Variants in CNTNAP5 observed in about 807,000 individuals in gnomAD.
The protein encoded by CNTNAP5 is contactin associated protein family member 5.
In CNTNAP5, 72 loss-of-function variants were observed where a neutral mutation model predicts 150.2. That is an observed-to-expected ratio of 0.48 (90% CI 0.40 to 0.58). The LOEUF (loss-of-function observed/expected upper bound fraction) is 0.58. Ranked by LOEUF, CNTNAP5 falls within the 20% of genes least tolerant of loss-of-function variation. The probability of loss-of-function intolerance (pLI) is 0.00; values close to 1 mark genes in which losing one functional copy is unlikely to be tolerated. For synonymous variants in CNTNAP5, 672 were observed against 619.8 expected, an observed-to-expected ratio of 1.08 and a Z score of -1.25; for missense variants, 1,636 against 1,626.2, an observed-to-expected ratio of 1.01 and a Z score of -0.10.
intron 10 of CNTNAP5, among the ~76,000 whole-genome samples, chr2:124,542,297 T>G (rs1229097611): frequency 6.7e-6 from 1 of 149,104 alleles, no homozygotes; most frequent in Non-Finnish European, 1.5e-5. Context: ...GCATCTAGTA[T>G]GTTCCAGGAC....
Position 124,510,257 on chromosome 2 carries a change from C to A in CNTNAP5, c.1327+5701C>A, listed in dbSNP as rs7604598. Among the ~76,000 whole-genome samples the A allele has an allele frequency of 3.5e-3, 71 of 20,446 alleles. 1 individual carries two copies. Among genetic ancestry groups the A allele is most frequent in the Middle Eastern group, 0.05 (2 of 40 alleles). 13.4% of individuals were successfully genotyped at this position (20,446 alleles called of 152,430 possible). A position where few individuals can be genotyped will look rare whatever the true frequency, so the allele number is the denominator to read the frequency against. ...TATATCTATATATCTATATCTATATCTATATATCTATATATCTATATCTAT... is the reference window on the plus strand; with the variant it reads ...TATATCTATATATCTATATCTATATATATATATCTATATATCTATATCTAT... On this transcript the variant is annotated intron_variant, in intron 8 of 23. Coordinates refer to ENST00000682447, the MANE Select transcript of CNTNAP5 (RefSeq NM_001367498.1).
In CNTNAP5 at chr2:124,857,675, A is replaced by G. The variant is rs1211469505; in HGVS notation, c.3218-7631A>G. ...ACCCTGTCTCCACTAAAAAAAAAAG[A>G]AAAAAAAATGAATAGTTAGCTGGGC... On this transcript the variant is annotated intron_variant, in intron 19 of 23. Transcript: ENST00000682447. Among the ~76,000 whole-genome samples, 25 of 125,928 alleles carry G rather than the reference A, an allele frequency of 2.0e-4. No individual in the cohort carries two copies. The South Asian group carries it at 4.5e-3, about 23-fold the overall frequency. 82.6% of individuals were successfully genotyped at this position (125,928 alleles called of 152,430 possible). A position where few individuals can be genotyped will look rare whatever the true frequency, so the allele number is the denominator to read the frequency against.
rs149977440 is a variant in CNTNAP5 at position 124,902,557 on chromosome 2, G to A, written c.3437-325G>A. 2.5e-3 allele frequency among the ~76,000 whole-genome samples: 385 copies of A among 152,166 alleles called. 2 individuals carry two copies. The highest frequency in any genetic ancestry group is 8.8e-3 in the African/African-American group (367 of 41,516). The stretch of plus-strand genomic sequence containing the variant: ...CAGATAATGATACAAATTTTATAAA[G>A]CACCTAAAATACAGAACAGATTTAT... On this transcript the variant is annotated intron_variant, in intron 21 of 23. Transcript: ENST00000682447.
At chr2:124,412,696 G>T (rs1427457478) in intron 3 of CNTNAP5, among the ~76,000 whole-genome samples, 2 of 119,708 alleles carry the variant, frequency 1.7e-5, no homozygotes, top group Non-Finnish European at 3.3e-5. Flanking sequence ...GCTGAAACTG[G>T]ATCCCTTCCT....
intron 13 of CNTNAP5, among the ~76,000 whole-genome samples, chr2:124,667,197 G>A (rs1260982717): frequency 1.3e-5 from 2 of 152,198 alleles, no homozygotes; most frequent in African/African-American, 2.4e-5. Flanking sequence ...CCTCAGTAGG[G>A]TGTGCTAAGA....
chr2:124,894,856 A>G (rs1018033538), intron 21 of CNTNAP5, among the ~76,000 whole-genome samples: 2 of 151,442 alleles, frequency 1.3e-5, no homozygotes, highest in Non-Finnish European at 1.5e-5. Flanking sequence ...CCTAGCCTTC[A>G]AGTCCCAGTC....
chr2:124,243,617 A>G (rs553742499), intron 3 of CNTNAP5, among the ~76,000 whole-genome samples: 1 of 152,156 alleles, frequency 6.6e-6, no homozygotes, highest in Non-Finnish European at 1.5e-5. Flanking sequence ...GTGAGTATAC[A>G]TGGAAACAAA....
At chr2:124,398,480 C>A (rs1691316281) in intron 3 of CNTNAP5, among the ~76,000 whole-genome samples, 2 of 147,988 alleles carry the variant, frequency 1.4e-5, no homozygotes, top group East Asian at 2.0e-4. Context: ...GAAATTTTTA[C>A]TTTATTTATT....
chr2:124,092,140 T>C (rs151171763), intron 1 of CNTNAP5, among the ~76,000 whole-genome samples: 8 of 152,304 alleles, frequency 5.3e-5, no homozygotes, highest in Non-Finnish European at 8.8e-5. Context: ...AACTGTCCTG[T>C]TACAAGGTTA....
At position 124,474,732 on chromosome 2, in the gene CNTNAP5, C is replaced by T. The variant is rs1365978014; in HGVS notation, c.919-7C>T. 6.4e-7 allele frequency: 1 copy of T among 1,551,224 alleles called. No individual in the cohort carries two copies. Among genetic ancestry groups the T allele is most frequent in the Non-Finnish European group, 8.7e-7 (1 of 1,154,610 alleles). The stretch of plus-strand genomic sequence containing the variant: ...CTAAGAGTTTGTTTCTATTTTCACC[C>T]CAAAAGCTTAGTTTTGGAGGAATTC... On this transcript the variant is annotated splice_polypyrimidine_tract_variant and splice_region_variant and intron_variant, in intron 6 of 23. Coordinates refer to ENST00000682447, the MANE Select transcript of CNTNAP5 (RefSeq NM_001367498.1).
At chr2:124,747,509 C>T (rs1680630256) in intron 14 of CNTNAP5, 124 bp downstream of exon 14, 19 of 1,169,622 alleles carry the variant, frequency 1.6e-5, no homozygotes, top group Non-Finnish European at 2.4e-5. Context: ...CCGATGGTGA[C>T]TTTTGTTTTT....
Position 124,243,280 on chromosome 2 carries a change from C to A in CNTNAP5, c.381+887C>A, listed in dbSNP as rs1020150094. On this transcript the variant is annotated intron_variant, in intron 3 of 23. Coordinates refer to ENST00000682447, the MANE Select transcript of CNTNAP5 (RefSeq NM_001367498.1). ...ACGGAAATTAATAGCATATTCTTTC[C>A]TTTTCAGATTCTGTCCTCTTAAATC... Among the ~76,000 whole-genome samples the A allele has an allele frequency of 2.6e-5, 4 of 152,158 alleles. No individual in the cohort carries two copies. In the South Asian group the frequency reaches 8.3e-4, roughly 32 times the overall value.
At chr2:124,667,157 CAGTTTATG>C (rs2105052449) in intron 13 of CNTNAP5, among the ~76,000 whole-genome samples, 1 of 152,296 alleles carries the variant, frequency 6.6e-6, no homozygotes, top group East Asian at 1.9e-4. Flanking sequence ...TGCCCCAGGG[CAGTTTATG>C]ACTGCATGCA....
intron 1 of CNTNAP5, among the ~76,000 whole-genome samples, chr2:124,090,280 T>TA (rs908592484): frequency 3.9e-5 from 6 of 152,208 alleles, no homozygotes; most frequent in African/African-American, 7.2e-5. Context: ...TTTCTCAAAA[T>TA]AAAAAAAGAA....
At chr2:124,650,664 C>T (rs954516934) in intron 13 of CNTNAP5, among the ~76,000 whole-genome samples, 1 of 152,162 alleles carries the variant, frequency 6.6e-6, no homozygotes, top group African/African-American at 2.4e-5. Context: ...GTGGTCTATG[C>T]TGGGAAGAGA....
At chr2:124,125,949 C>A (rs1429206859) in intron 1 of CNTNAP5, among the ~76,000 whole-genome samples, 2 of 152,094 alleles carry the variant, frequency 1.3e-5, no homozygotes, top group African/African-American at 4.8e-5. Context: ...TAAATGTCCA[C>A]AAGGGAAAGC....
chr2:124,216,078 G>C (rs990098515), intron 1 of CNTNAP5, among the ~76,000 whole-genome samples: 1 of 152,106 alleles, frequency 6.6e-6, no homozygotes, highest in African/African-American at 2.4e-5. Flanking sequence ...AGTTCCTCCT[G>C]GTTCAGAAAT....
chr2:124,628,684 A>G (rs916877774), intron 12 of CNTNAP5, among the ~76,000 whole-genome samples: 1 of 152,214 alleles, frequency 6.6e-6, no homozygotes, highest in East Asian at 1.9e-4. Context: ...ACCAGTTAGC[A>G]TCATGACAGG....
chr2:124,307,734 C>G (rs1052496180), intron 3 of CNTNAP5, among the ~76,000 whole-genome samples: 5 of 152,134 alleles, frequency 3.3e-5, no homozygotes, highest in Non-Finnish European at 7.3e-5. Flanking sequence ...TCTTAGGTTT[C>G]AAGCAAAGAA....
Sources: gnomAD v4.1 joint callset for allele counts (sites outside exome capture counted in the v4.1 genomes callset) on GRCh38, gnomAD v4.1.1 for gene constraint, MANE v1.5 for transcripts, NCBI Gene and HGNC (gene_info 2026-07-23, HGNC 2026-07-21) for gene names.